Variants in GRIA2 observed in about 807,000 individuals in gnomAD.
GRIA2 encodes the protein glutamate receptor 2.
GRIA2 carries 14 observed loss-of-function variants against 97.3 expected under a neutral mutation model. That is an observed-to-expected ratio of 0.14 (90% CI 0.10 to 0.23). GRIA2 has a LOEUF of 0.23. Ranked by LOEUF, GRIA2 falls within the 10% of genes least tolerant of loss-of-function variation. GRIA2 has a pLI of 1.00. For synonymous variants in GRIA2, 412 were observed against 387.8 expected (o/e 1.06, Z -0.73); for missense variants, 558 against 1,069.8 (o/e 0.52, Z 6.67).
chr4:157,252,542 T>C (rs1227603926), intron 2 of GRIA2, among the ~76,000 whole-genome samples: 1 of 152,108 alleles, frequency 6.6e-6, no homozygotes, highest in African/African-American at 2.4e-5. Flanking sequence ...AGGCTTCTCA[T>C]ATGAGGTGTG....
At chr4:157,314,792 A>G (rs903867814) in intron 4 of GRIA2, among the ~76,000 whole-genome samples, 1 of 152,204 alleles carries the variant, frequency 6.6e-6, no homozygotes, top group African/African-American at 2.4e-5. Flanking sequence ...CATATATATT[A>G]TAAGTCCCTT....
intron 2 of GRIA2, among the ~76,000 whole-genome samples, chr4:157,283,379 T>C (rs1732695813): frequency 6.6e-6 from 1 of 151,960 alleles, no homozygotes; most frequent in South Asian, 2.1e-4. Context: ...GCTGAAAATA[T>C]TAGATCCATA....
chr4:157,221,844 C>G (rs1729509787), intron 2 of GRIA2, 37 bp downstream of exon 2: 1 of 1,600,192 alleles, frequency 6.2e-7, no homozygotes, highest in Non-Finnish European at 8.6e-7. Context: ...GGGTGCTGCA[C>G]GCGGAAGGCC....
intron 6 of GRIA2, among the ~76,000 whole-genome samples, chr4:157,331,478 C>T (rs1027348073): frequency 6.6e-6 from 1 of 151,898 alleles, no homozygotes; most frequent in African/African-American, 2.4e-5. Flanking sequence ...TTTTCAGAGA[C>T]CTAGACATTA....
chr4:157,236,086 C>G (rs1025880217), intron 2 of GRIA2, among the ~76,000 whole-genome samples: 1 of 151,870 alleles, frequency 6.6e-6, no homozygotes, highest in Non-Finnish European at 1.5e-5. Context: ...GTTGATGCAG[C>G]TTTAACATGT....
chr4:157,256,649 T>C (rs1731289889), intron 2 of GRIA2, among the ~76,000 whole-genome samples: 1 of 151,936 alleles, frequency 6.6e-6, no homozygotes, highest in Non-Finnish European at 1.5e-5. Flanking sequence ...AATTAATTTC[T>C]TATTGAGGAA....
chr4:157,329,194 A>T (rs898403904), intron 6 of GRIA2, among the ~76,000 whole-genome samples: 1 of 151,880 alleles, frequency 6.6e-6, no homozygotes, highest in Non-Finnish European at 1.5e-5. Flanking sequence ...CTTAAAAAAA[A>T]CTTTCTTAAA....
Position 157,221,139 on chromosome 4 carries a change from C to A in GRIA2, c.88+9C>A, listed in dbSNP as rs965896632. The A allele has an allele frequency of 6.0e-6, 8 of 1,334,054 alleles. No individual in the cohort carries two copies. Among genetic ancestry groups the A allele is most frequent in the Non-Finnish European group, 8.7e-6 (8 of 924,598 alleles). 82.6% of individuals were successfully genotyped at this position (1,334,054 alleles called of 1,614,324 possible). On this transcript the variant is annotated intron_variant, in intron 1 of 15. Transcript: ENST00000264426. Reference sequence around the variant, plus strand: ...TAACAGCATACAGATAGGTAGGTACCCTTTGTGCTATGCTTTTGAATTGTG... The same window carrying A: ...TAACAGCATACAGATAGGTAGGTACACTTTGTGCTATGCTTTTGAATTGTG...
chr4:157,355,940 T>TAAA (rs1282851628), intron 12 of GRIA2, among the ~76,000 whole-genome samples: 2 of 33,812 alleles, frequency 5.9e-5, no homozygotes, highest in African/African-American at 1.5e-4. Context: ...TATTTATATA[T>TAAA]TAATATATAT....
intron 2 of GRIA2, among the ~76,000 whole-genome samples, chr4:157,277,826 G>GTATA (rs1732397340): frequency 9.2e-5 from 13 of 141,092 alleles, no homozygotes; most frequent in African/African-American, 2.6e-4. Context: ...ATATATATAT[G>GTATA]TATATATGTA....
At chr4:157,355,750 T>TTA (rs1560780765) in intron 12 of GRIA2, among the ~76,000 whole-genome samples, 1 of 45,148 alleles carries the variant, frequency 2.2e-5, no homozygotes, top group African/African-American at 8.8e-5. Context: ...ATTTATATAT[T>TTA]TACATATATT....
chr4:157,289,079 C>A (rs1732974148), intron 2 of GRIA2, among the ~76,000 whole-genome samples: 1 of 151,768 alleles, frequency 6.6e-6, no homozygotes, highest in African/African-American at 2.4e-5. Context: ...TGGAGCTCTG[C>A]TGTGACCAAT....
chr4:157,277,900 A>ACG (rs1732417231), intron 2 of GRIA2, among the ~76,000 whole-genome samples: 3 of 140,758 alleles, frequency 2.1e-5, no homozygotes, highest in African/African-American at 5.3e-5. Context: ...GTATATATAT[A>ACG]TGTATATATG....
At chr4:157,337,388 G>C (rs1735334028) in intron 11 of GRIA2, among the ~76,000 whole-genome samples, 1 of 151,916 alleles carries the variant, frequency 6.6e-6, no homozygotes, top group South Asian at 2.1e-4. Flanking sequence ...ATCTCATTAT[G>C]ATATGTTAAA....
At chr4:157,334,308 C>T in intron 9 of GRIA2, 188 bp downstream of exon 9, 2 of 526,346 alleles carry the variant, frequency 3.8e-6, no homozygotes, top group Non-Finnish European at 3.4e-6. Context: ...AAATGTTCCC[C>T]ATTTTCTTTA....
Position 157,221,137 on chromosome 4 carries a change from A to C in GRIA2, c.88+7A>C. On this transcript the variant is annotated splice_region_variant and intron_variant, in intron 1 of 15. Coordinates refer to ENST00000264426, the MANE Select transcript of GRIA2 (RefSeq NM_001083619.3). ...TCTAACAGCATACAGATAGGTAGGT[A>C]CCCTTTGTGCTATGCTTTTGAATTG... The C allele has an allele frequency of 7.3e-7, 1 of 1,365,740 alleles. No individual in the cohort carries two copies. The allele number at this position is 1,365,740 out of a possible 1,614,324, so 84.6% of individuals were successfully genotyped here.
chr4:157,280,482 CT>C (rs1368268502), intron 2 of GRIA2, among the ~76,000 whole-genome samples: 2 of 151,958 alleles, frequency 1.3e-5, no homozygotes, highest in South Asian at 2.1e-4. Flanking sequence ...TTTCCTAAAA[CT>C]TTATGGCTTT....
intron 2 of GRIA2, among the ~76,000 whole-genome samples, chr4:157,239,491 T>G (rs1045172898): frequency 6.6e-6 from 1 of 152,030 alleles, no homozygotes; most frequent in African/African-American, 2.4e-5. Context: ...TAATTCTATA[T>G]TAATAACATA....
intron 2 of GRIA2, among the ~76,000 whole-genome samples, chr4:157,287,529 T>G (rs1732899396): frequency 6.6e-6 from 1 of 151,656 alleles, no homozygotes; most frequent in African/African-American, 2.4e-5. Context: ...CATATGTGTT[T>G]ATTTGCTTTT....
Sources: allele counts gnomAD v4.1 joint callset (sites outside exome capture counted in the v4.1 genomes callset), GRCh38; gene constraint gnomAD v4.1.1; transcripts MANE v1.5; gene names NCBI Gene and HGNC (gene_info 2026-07-23, HGNC 2026-07-21).